The following ZNF699 variants were observed in gnomAD, a reference collection of about 807,000 sequenced individuals.
The protein encoded by ZNF699 is hangover homolog.
A neutral mutation model predicts 22.5 loss-of-function variants in ZNF699; 18 were observed. The ratio of observed to expected loss-of-function variants is 0.80; its 90% CI spans 0.55 to 1.19. ZNF699 has a LOEUF of 1.19. Among genes scored for constraint, ZNF699 ranks in the 50% most tolerant of loss-of-function variants. The pLI, the probability that ZNF699 is intolerant of heterozygous loss-of-function variation, is 0.00. For missense variants in ZNF699, 670 were observed against 763.4 expected (o/e 0.88, Z 1.44); for synonymous variants, 241 against 262.3 (o/e 0.92, Z 0.78).
In ZNF699 at chr19:9,297,653, GAAA is replaced by G. The variant is rs1233465299; in HGVS notation, c.287-177_287-175del. ...AATATAGTATTAGGAGAACAAAACA[GAAA>G]TTGGATAAAATGCACATGACCAAAT... On this transcript the variant is annotated intron_variant, in intron 4 of 5. Transcript: ENST00000591998. This position sits in a 1 kb window ranked among gnomAD's most constrained non-coding sequence, Gnocchi z 4.3. Among the ~76,000 whole-genome samples the G allele has an allele frequency of 6.6e-6, 1 of 152,138 alleles. No individual in the cohort carries two copies. Among genetic ancestry groups the G allele is most frequent in the East Asian group, 1.9e-4 (1 of 5,188 alleles).
At chr19:9,306,629 C>G (rs1439986021) in intron 1 of ZNF699, among the ~76,000 whole-genome samples, 1 of 152,206 alleles carries the variant, frequency 6.6e-6, no homozygotes, top group East Asian at 1.9e-4. Context: ...TAGAATATTT[C>G]TCACAGAAGC....
rs1323907293 is a variant in ZNF699, at chr19:9,292,699, T to C, written c.*2776A>G. Among the ~76,000 whole-genome samples the C allele has an allele frequency of 2.0e-5, 3 of 151,974 alleles. No homozygotes were observed. The highest frequency in any genetic ancestry group is 2.9e-5 in the Non-Finnish European group (2 of 68,008). On this transcript the variant is annotated 3_prime_UTR_variant, in exon 6 of 6. Coordinates refer to ENST00000591998, the MANE Select transcript of ZNF699 (RefSeq NM_198535.3). ...TTATCTGTAATGTATGTATATATAA[T>C]ATACATATTTTATGTATATATGTAA... is the stretch of plus-strand genomic sequence containing the variant.
intron 1 of ZNF699, among the ~76,000 whole-genome samples, chr19:9,308,182 A>T (rs1428088700): frequency 6.6e-6 from 1 of 152,152 alleles, no homozygotes; most frequent in Non-Finnish European, 1.5e-5. Context: ...CAGACTCTTT[A>T]TGTTCCCAGG....
rs371499745 is a variant in ZNF699, at chr19:9,295,855, G to A, written c.1549C>T (p.His517Tyr). The change falls in exon 6 of 6, where the codon CAC becomes TAC. Residue 517 changes from histidine (H) to tyrosine (Y), a missense_variant. By Grantham distance (83) the His-to-Tyr change is moderately conservative. Transcript: ENST00000591998. ...TGAGTTCTGATATGTACTGTAAGGT[G>A]GGAGGAACTAATAAAGGCTTTCCCA... ...ECGKAFISSS[H>Y]LTVHIRTHTG... The A allele has an allele frequency of 2.5e-6, 4 of 1,613,266 alleles. No individual in the cohort carries two copies. Among genetic ancestry groups the A allele is most frequent in the African/African-American group, 1.3e-5 (1 of 74,672 alleles).
intron 2 of ZNF699, among the ~76,000 whole-genome samples, chr19:9,304,837 C>T (rs112446668): frequency 0.043 from 6,322 of 148,318 alleles, 372 homozygotes; most frequent in African/African-American, 0.14. Flanking sequence ...GCAGGAGAAT[C>T]GGTTGAACCA....
chr19:9,305,280 C>CACACACAT (rs2066323490), intron 1 of ZNF699, among the ~76,000 whole-genome samples, 156 bp from the exon 2 acceptor site: 1 of 152,022 alleles, frequency 6.6e-6, no homozygotes, highest in Non-Finnish European at 1.5e-5. Context: ...CACACACACA[C>CACACACAT]ACACACATGC....
rs552033180 is a variant in ZNF699 at position 9,305,122 on chromosome 19, C to G, written c.-3G>C. 3.7e-6 allele frequency: 6 copies of G among 1,613,000 alleles called. No individual in the cohort carries two copies. The highest frequency in any genetic ancestry group is 1.3e-5 in the African/African-American group (1 of 74,860). On this transcript the variant is annotated splice_region_variant and 5_prime_UTR_variant, in exon 2 of 6. Coordinates refer to ENST00000591998, the MANE Select transcript of ZNF699 (RefSeq NM_198535.3). ...GCAGTTTTTCTTTCTTCCTCCATGTCGCCTTCATGAAGAAAAGCAGGATAT... is the reference window on the plus strand; with the variant it reads ...GCAGTTTTTCTTTCTTCCTCCATGTGGCCTTCATGAAGAAAAGCAGGATAT...
chr19:9,300,242 G>A lies in ZNF699; in HGVS notation c.175+2136C>T, dbSNP rs536026060. On this transcript the variant is annotated intron_variant, in intron 3 of 5. Transcript: ENST00000591998. ...ACTACAGGTGCCCGCCAACACACCC[G>A]GCTAATTTTTTGTATTTTTAGTACA... Among the ~76,000 whole-genome samples the A allele has an allele frequency of 6.1e-4, 93 of 152,138 alleles. 1 individual carries two copies. Among genetic ancestry groups the A allele is most frequent in the Middle Eastern group, 6.8e-3 (2 of 294 alleles).
Position 9,296,462 on chromosome 19 carries a change from C to T in ZNF699, c.942G>A (p.Lys314=). ...AGAGTGAGGAGGAACAACTGAAGGC[C>T]TTCCCACATTCCTTACATTCATAAG... ...DKPYECKECG[K]AFSCSSSLSK... The change falls in exon 6 of 6, where the codon AAG becomes AAA. Residue 314 remains lysine, a synonymous_variant. Transcript: ENST00000591998. 6.2e-7 allele frequency: 1 copy of T among 1,613,552 alleles called. No homozygotes were observed. The highest frequency in any genetic ancestry group is 2.2e-5 in the East Asian group (1 of 44,860).
chr19:9,303,772 GT>G (rs1307462251), intron 2 of ZNF699, among the ~76,000 whole-genome samples: 12 of 151,570 alleles, frequency 7.9e-5, no homozygotes, highest in African/African-American at 2.7e-4. Flanking sequence ...GATTACAAGG[GT>G]TTTTAGGAAC....
rs1231961603 is a variant in ZNF699 at position 9,292,856 on chromosome 19, TG to T, written c.*2618del. Among the ~76,000 whole-genome samples, 3 of 151,206 alleles carry T rather than the reference TG, an allele frequency of 2.0e-5. No individual in the cohort carries two copies. Among genetic ancestry groups the T allele is most frequent in the Non-Finnish European group, 4.4e-5 (3 of 67,854 alleles). ...TTTTTTTAAAAAGGAACCATAAGTC[TG>T]GGTGCAGTGGCTCACGCCTATAATC... On this transcript the variant is annotated 3_prime_UTR_variant, in exon 6 of 6. Coordinates refer to ENST00000591998, the MANE Select transcript of ZNF699 (RefSeq NM_198535.3).
chr19:9,306,972 G>T (rs561740163), intron 1 of ZNF699, among the ~76,000 whole-genome samples: 1 of 152,176 alleles, frequency 6.6e-6, no homozygotes. Flanking sequence ...GACCAAGGTC[G>T]GGGGAATCAC....
At chr19:9,306,438 G>T (rs180828199) in intron 1 of ZNF699, among the ~76,000 whole-genome samples, 1 of 150,304 alleles carries the variant, frequency 6.7e-6, no homozygotes, top group East Asian at 1.9e-4. Flanking sequence ...TGTGGTATCT[G>T]CAGTGCTGTT....
Position 9,293,929 on chromosome 19 carries a change from A to T in ZNF699, c.*1546T>A, listed in dbSNP as rs2066275570. Among the ~76,000 whole-genome samples the T allele has an allele frequency of 4.0e-5, 2 of 50,006 alleles. No individual in the cohort carries two copies. Among genetic ancestry groups the T allele is most frequent in the South Asian group, 8.4e-4 (1 of 1,190 alleles). 32.8% of individuals were successfully genotyped at this position (50,006 alleles called of 152,430 possible). ...TGAAGCAATTCATCTTCTTACATTT[A>T]AAAAAAAAAAAAAAGCAGTAAAATC... is the stretch of plus-strand genomic sequence containing the variant. On this transcript the variant is annotated 3_prime_UTR_variant, in exon 6 of 6. Transcript: ENST00000591998.
chr19:9,296,114 A>G lies in ZNF699; in HGVS notation c.1290T>C (p.Leu430=). Residue 430 remains leucine, a synonymous_variant, in exon 6 of 6, where the codon CTT becomes CTC. Transcript: ENST00000591998. ...ECLECGKAFY[L]PTSLNTHVKN... is the part of the protein sequence containing the mutation. ...TCACATGTGTATTAAGGGAAGTGGG[A>G]AGGTAGAAGGCCTTTCCACATTCCA... 1.2e-6 allele frequency: 2 copies of G among 1,613,432 alleles called. No individual in the cohort carries two copies. Among genetic ancestry groups the G allele is most frequent in the Non-Finnish European group, 1.7e-6 (2 of 1,179,910 alleles).
rs967511220 is a variant in ZNF699, at chr19:9,292,964, G to A, written c.*2511C>T. Among the ~76,000 whole-genome samples the A allele has an allele frequency of 7.3e-5, 11 of 151,438 alleles. No individual in the cohort carries two copies. Among genetic ancestry groups the A allele is most frequent in the Admixed American group, 2.6e-4 (4 of 15,194 alleles). ...AACCTGGCCAACATGGTGAAACCCC[G>A]TCTCTACTAAAAAATACAAAAATTA... On this transcript the variant is annotated 3_prime_UTR_variant, in exon 6 of 6. Coordinates refer to ENST00000591998, the MANE Select transcript of ZNF699 (RefSeq NM_198535.3).
chr19:9,306,212 T>C (rs1224803604), intron 1 of ZNF699, among the ~76,000 whole-genome samples: 1 of 151,876 alleles, frequency 6.6e-6, no homozygotes, highest in Non-Finnish European at 1.5e-5. Context: ...ACCAATATGG[T>C]GAAACCCCTC....
Position 9,294,834 on chromosome 19 carries a change from C to T in ZNF699, c.*641G>A, listed in dbSNP as rs984002431. 2 of 152,072 alleles carry T rather than the reference C, an allele frequency of 1.3e-5. No individual in the cohort carries two copies. Among genetic ancestry groups the T allele is most frequent in the Non-Finnish European group, 2.9e-5 (2 of 68,008 alleles). The allele number at this position is 152,072 out of a possible 1,614,324, so 9.4% of individuals were successfully genotyped here. ...AAATTTATCATCTCAGAAACTCTAA[C>T]GTCTCTTAGCAAAAAAGAATAGGAA... On this transcript the variant is annotated 3_prime_UTR_variant, in exon 6 of 6. Coordinates refer to ENST00000591998, the MANE Select transcript of ZNF699 (RefSeq NM_198535.3).
At chr19:9,301,881 A>G (rs1225163240) in intron 3 of ZNF699, among the ~76,000 whole-genome samples, 2 of 151,782 alleles carry the variant, frequency 1.3e-5, no homozygotes, top group African/African-American at 4.9e-5. Flanking sequence ...TCAGTTCAAT[A>G]TACAGATGTT....
Sources: allele counts gnomAD v4.1 joint callset (sites outside exome capture counted in the v4.1 genomes callset), GRCh38; gene constraint gnomAD v4.1.1; non-coding constraint Gnocchi (gnomAD v3.1); transcripts MANE v1.5; gene names NCBI Gene and HGNC (gene_info 2026-07-23, HGNC 2026-07-21).